The following ARHGAP29 variants were observed in gnomAD, a reference collection of about 807,000 sequenced individuals.
ARHGAP29 encodes Rho GTPase activating protein 29.
ARHGAP29 carries 43 observed loss-of-function variants against 122.6 expected under a neutral mutation model. The ratio of observed to expected loss-of-function variants is 0.35; its 90% CI spans 0.27 to 0.45. The LOEUF is 0.45. ARHGAP29 is among the 20% of genes least tolerant of loss of function. The pLI, the probability that ARHGAP29 is intolerant of heterozygous loss-of-function variation, is 1.00. For synonymous variants in ARHGAP29, 506 were observed against 497.1 expected (o/e 1.02, Z -0.24); for missense variants, 1,303 against 1,477.2 (o/e 0.88, Z 1.93).
the ARHGAP29 span, among the ~76,000 whole-genome samples, chr1:94,301,631 A>C: frequency 6.6e-6 from 1 of 152,190 alleles, no homozygotes; most frequent in African/African-American, 2.4e-5. Flanking sequence ...GGGTACAGTC[A>C]TAGACAGAGC....
At chr1:94,209,719 G>T (rs1475736905) in intron 3 of ARHGAP29, among the ~76,000 whole-genome samples, 1 of 151,796 alleles carries the variant, frequency 6.6e-6, no homozygotes, top group Non-Finnish European at 1.5e-5. Context: ...CTGCTTTCTG[G>T]CATTTTAAAA....
chr1:94,195,996 C>T (rs1249240797), intron 12 of ARHGAP29: 1 of 152,048 alleles, frequency 6.6e-6, no homozygotes, highest in Non-Finnish European at 1.5e-5. Flanking sequence ...ATACATAAAA[C>T]AAAAACTGAT....
At chr1:94,289,982 G>A in the ARHGAP29 span, among the ~76,000 whole-genome samples, 1 of 152,174 alleles carries the variant, frequency 6.6e-6, no homozygotes, top group African/African-American at 2.4e-5. Context: ...CCAGGCTTTG[G>A]TATCAGGATG....
At chr1:94,223,069 G>A (rs1054611539) in intron 2 of ARHGAP29, among the ~76,000 whole-genome samples, 5 of 151,672 alleles carry the variant, frequency 3.3e-5, no homozygotes, top group African/African-American at 1.2e-4. Context: ...TCAGCCTCCC[G>A]AGTAGTTGGG....
the ARHGAP29 span, among the ~76,000 whole-genome samples, chr1:94,293,473 C>T: frequency 6.6e-6 from 1 of 152,230 alleles, no homozygotes; most frequent in Non-Finnish European, 1.5e-5. Context: ...TCAGCTCACC[C>T]TCCATGGGCT....
chr1:94,282,316 T>C, the ARHGAP29 span, among the ~76,000 whole-genome samples: 18 of 151,838 alleles, frequency 1.2e-4, no homozygotes. Flanking sequence ...AGACGAAGTC[T>C]CCCTCTGTCA....
At chr1:94,231,880 T>C (rs1046831718) in intron 1 of ARHGAP29, among the ~76,000 whole-genome samples, 1 of 152,164 alleles carries the variant, frequency 6.6e-6, no homozygotes, top group East Asian at 1.9e-4. Flanking sequence ...TGCAAACTAC[T>C]GTTCTTTACA....
rs556833391 is a variant in ARHGAP29 at position 94,183,487 on chromosome 1, CA to C, written c.2247+663del. On this transcript the variant is annotated intron_variant, in intron 19 of 22. Transcript: ENST00000260526. ...CTACTCCTGCAAACTACAGGTTTAA[CA>C]GTGAGAAAAAAAAAAGAGCAGTCTA... Among the ~76,000 whole-genome samples the C allele has an allele frequency of 5.9e-4, 89 of 151,428 alleles. No homozygotes were observed. In the South Asian group the frequency reaches 6.5e-3, roughly 11 times the overall value.
the ARHGAP29 span, among the ~76,000 whole-genome samples, chr1:94,286,754 C>T: frequency 2.0e-5 from 3 of 152,070 alleles, no homozygotes; most frequent in African/African-American, 2.4e-5. Context: ...ATAGAATAAA[C>T]AAGGTCTTTG....
the ARHGAP29 span, among the ~76,000 whole-genome samples, chr1:94,281,800 A>G: frequency 6.6e-6 from 1 of 152,124 alleles, no homozygotes; most frequent in Non-Finnish European, 1.5e-5. Flanking sequence ...TTCAATTGTG[A>G]GTAATAAGTG....
rs1648640471 is a variant in ARHGAP29, at chr1:94,170,198, T to C, written c.*3671A>G. 6.6e-6 allele frequency among the ~76,000 whole-genome samples: 1 copy of C among 152,348 alleles called. No individual in the cohort carries two copies. The highest frequency in any genetic ancestry group is 1.9e-4 in the East Asian group (1 of 5,184). Reference sequence around the variant, plus strand: ...CAATGGAGAAACCTGGTATATACTATCTGAACCAAGTGACCAAAATTAATA... The same window carrying C: ...CAATGGAGAAACCTGGTATATACTACCTGAACCAAGTGACCAAAATTAATA... On this transcript the variant is annotated 3_prime_UTR_variant, in exon 23 of 23. Transcript: ENST00000260526.
At chr1:94,258,950 C>T (rs1654462148) in intron 1 of ARHGAP29, among the ~76,000 whole-genome samples, 1 of 152,130 alleles carries the variant, frequency 6.6e-6, no homozygotes, top group Admixed American at 6.6e-5. Flanking sequence ...TTTTTCTTTC[C>T]CTTGTGGTGT....
chr1:94,212,047 G>A (rs1651654295), intron 3 of ARHGAP29, among the ~76,000 whole-genome samples: 1 of 152,212 alleles, frequency 6.6e-6, no homozygotes, highest in Non-Finnish European at 1.5e-5. Context: ...GGGAGACCGA[G>A]GCGGGAGGAT....
the ARHGAP29 span, among the ~76,000 whole-genome samples, chr1:94,280,715 G>C: frequency 6.6e-6 from 1 of 152,202 alleles, no homozygotes; most frequent in Non-Finnish European, 1.5e-5. Flanking sequence ...GGGCAGGAAC[G>C]GTGAGTGAAC....
At chr1:94,235,703 C>A (rs982069446) in intron 1 of ARHGAP29, among the ~76,000 whole-genome samples, 1 of 152,126 alleles carries the variant, frequency 6.6e-6, no homozygotes, top group African/African-American at 2.4e-5. Flanking sequence ...AACTTCAAAC[C>A]AACAATATTA....
chr1:94,204,599 G>A lies in ARHGAP29; in HGVS notation c.697+462C>T, dbSNP rs1453556695. ...TCTTGTCTCTCTCAGCTGTAATATAGGAAAAACAATTCTTGTCTTGCCTAC... is the reference window on the plus strand; with the variant it reads ...TCTTGTCTCTCTCAGCTGTAATATAAGAAAAACAATTCTTGTCTTGCCTAC... On this transcript the variant is annotated intron_variant, in intron 7 of 22. Transcript: ENST00000260526. Among the ~76,000 whole-genome samples the A allele has an allele frequency of 3.3e-5, 5 of 151,786 alleles. No individual in the cohort carries two copies. In the South Asian group the frequency reaches 1.0e-3, roughly 31 times the overall value.
intron 1 of ARHGAP29, among the ~76,000 whole-genome samples, chr1:94,269,884 G>C (rs1304308654): frequency 6.6e-6 from 1 of 152,110 alleles, no homozygotes; most frequent in Non-Finnish European, 1.5e-5. Flanking sequence ...TCCGTTTACT[G>C]GGGGGTCTGC....
chr1:94,301,155 A>G, the ARHGAP29 span, among the ~76,000 whole-genome samples: 1 of 150,748 alleles, frequency 6.6e-6, no homozygotes, highest in Admixed American at 6.5e-5. Context: ...TGAACCACAG[A>G]AAGACTCTCG....
the ARHGAP29 span, among the ~76,000 whole-genome samples, chr1:94,284,437 T>C: frequency 1.3e-5 from 2 of 152,350 alleles, no homozygotes; most frequent in Admixed American, 1.3e-4. Flanking sequence ...TAGTAGATTA[T>C]ATTACTGTTC....
Sources: gnomAD v4.1 joint callset for allele counts (sites outside exome capture counted in the v4.1 genomes callset) on GRCh38, gnomAD v4.1.1 for gene constraint, MANE v1.5 for transcripts, NCBI Gene and HGNC (gene_info 2026-07-23, HGNC 2026-07-21) for gene names.